Variants in ASIC5 observed in about 807,000 individuals in gnomAD.
The protein encoded by ASIC5 is acid sensing ion channel subunit family member 5.
Under a neutral mutation model 51.2 loss-of-function variants are expected in ASIC5, and 52 were observed. The ratio of observed to expected loss-of-function variants is 1.02; its 90% CI spans 0.81 to 1.28. ASIC5 has a LOEUF of 1.28. Ranked by LOEUF, ASIC5 falls within the 50% of genes most tolerant of loss-of-function variation. ASIC5 has a pLI of 0.00. For missense variants in ASIC5, 635 were observed against 595.0 expected, an observed-to-expected ratio of 1.07 and a Z score of -0.70; for synonymous variants, 231 against 200.7, an observed-to-expected ratio of 1.15 and a Z score of -1.28.
intron 1 of ASIC5, 122 bp downstream of exon 1, chr4:155,866,065 T>C: frequency 3.5e-6 from 2 of 576,916 alleles, no homozygotes; most frequent in Non-Finnish European, 6.0e-6. Flanking sequence ...ATTACTTATA[T>C]TGTGTTCAAG....
At chr4:155,865,473 G>C (rs1514008) in intron 1 of ASIC5, among the ~76,000 whole-genome samples, 134,732 of 151,836 alleles carry the variant, frequency 0.89, 61,469 homozygotes, top group East Asian at 1. Context: ...ACCATTCCTA[G>C]AATAGGGATC....
At chr4:155,836,633 T>C (rs1235597288) in intron 8 of ASIC5, 56 bp downstream of exon 8, 14 of 1,076,082 alleles carry the variant, frequency 1.3e-5, no homozygotes, top group African/African-American at 2.3e-5. Context: ...GGGTTTTCAA[T>C]AAAGAAAAAA....
At position 155,842,298 on chromosome 4, in the gene ASIC5, A is replaced by G. The variant is rs772888893; in HGVS notation, c.918T>C (p.Asn306=). ...AACCAGAAGTGCTGTAGCTGCTAAA[A>G]TTCTGCAGCTTGATGTTAGGATTGC... ...GECNPNIKLQ[N]FSSYSTSGCL... is the part of the protein sequence containing the mutation. Residue 306 remains asparagine (N), a synonymous_variant, in exon 6 of 10, where the codon AAT becomes AAC. Transcript: ENST00000537611. The G allele has an allele frequency of 6.2e-7, 1 of 1,613,464 alleles. No homozygotes were observed. Among genetic ancestry groups the G allele is most frequent in the Non-Finnish European group, 8.5e-7 (1 of 1,179,572 alleles).
chr4:155,852,226 C>T lies in ASIC5; in HGVS notation c.676G>A (p.Gly226Arg), dbSNP rs1335009820. Residue 226 changes from glycine to arginine, a missense_variant, in exon 4 of 10, where the codon GGA becomes AGA. Transcript: ENST00000537611. ...TTGAAGAGTAAGCTCAAACCTCTTC[C>T]AGAGACACTCACTTTTCTCTTTGCT... is the stretch of plus-strand genomic sequence containing the variant. Reference protein sequence around the residue: ...LQAKRKVSVSGRGLSLLFNVN... With the variant: ...LQAKRKVSVSRRGLSLLFNVN... 6.2e-7 allele frequency: 1 copy of T among 1,610,628 alleles called. No individual in the cohort carries two copies. The highest frequency in any genetic ancestry group is 1.1e-5 in the South Asian group (1 of 90,652).
Position 155,830,007 on chromosome 4 carries a change from C to G in ASIC5, c.1367G>C (p.Ser456Thr). Reference sequence around the variant, plus strand: ...AATAATTTCTATGATCGTGATCAGACTGGCCCCACAAAATAGACCCAGCTG... The same window carrying G: ...AATAATTTCTATGATCGTGATCAGAGTGGCCCCACAAAATAGACCCAGCTG... ...GGQLGLFCGA[S>T]LITIIEIIEY... The change falls in exon 10 of 10, where the codon AGT (serine) becomes ACT (threonine). Residue 456 changes from serine (S) to threonine (T), a missense_variant. Physicochemically the swap from Ser to Thr is moderately conservative, Grantham distance 58. Coordinates refer to ENST00000537611, the MANE Select transcript of ASIC5 (RefSeq NM_017419.3). The G allele has an allele frequency of 6.3e-7, 1 of 1,585,922 alleles. No individual in the cohort carries two copies.
chr4:155,831,324 A>G (rs1002627273), intron 9 of ASIC5, among the ~76,000 whole-genome samples: 2 of 152,188 alleles, frequency 1.3e-5, no homozygotes, highest in Admixed American at 1.3e-4. Flanking sequence ...TTCTTTATAA[A>G]AGTCCATGTG....
chr4:155,862,484 T>A (rs960647432), intron 2 of ASIC5, among the ~76,000 whole-genome samples: 1 of 152,108 alleles, frequency 6.6e-6, no homozygotes, highest in African/African-American at 2.4e-5. Flanking sequence ...TGGTGAGTCT[T>A]AAGAAGCCCT....
rs75456610 is a variant in ASIC5, at chr4:155,842,453, G to A, written c.862-99C>T. ...TACACATTTTTATTTTCCTCTCAGA[G>A]CTCTTTGATTTTCAAAACCAAAATT... On this transcript the variant is annotated intron_variant, in intron 5 of 9. Coordinates refer to ENST00000537611, the MANE Select transcript of ASIC5 (RefSeq NM_017419.3). 8,451 of 1,228,112 alleles carry A rather than the reference G, an allele frequency of 6.9e-3. 37 individuals carry two copies. The highest frequency in any genetic ancestry group is 9.4e-3 in the Admixed American group (341 of 36,124). The allele number at this position is 1,228,112 out of a possible 1,614,324, so 76.1% of individuals were successfully genotyped here.
intron 7 of ASIC5, among the ~76,000 whole-genome samples, chr4:155,837,459 T>C (rs1434718742): frequency 1.3e-5 from 2 of 152,174 alleles, no homozygotes; most frequent in Admixed American, 1.3e-4. Context: ...AAAGTCCCTG[T>C]AGCAGGTAGT....
Position 155,854,279 on chromosome 4 carries a change from A to T in ASIC5, c.383T>A (p.Ile128Asn), listed in dbSNP as rs761330329. The T allele has an allele frequency of 2.5e-6, 4 of 1,613,024 alleles. No individual in the cohort carries two copies. Among genetic ancestry groups the T allele is most frequent in the Middle Eastern group, 3.3e-4 (2 of 6,050 alleles). Reference sequence around the variant, plus strand: ...GGATACAATGTGCCATAAGAAAAAAATAACACCAAATTTGGCTACAGCATC... The same window carrying T: ...GGATACAATGTGCCATAAGAAAAAATTAACACCAAATTTGGCTACAGCATC... ...QTDAVAKFGV[I>N]FFLWHIVSKV... Residue 128 changes from isoleucine (I) to asparagine (N), a missense_variant, in exon 3 of 10, where the codon ATT becomes AAT. Ile to Asn is a moderately radical substitution (Grantham distance 149, BLOSUM62 -3). Coordinates refer to ENST00000537611, the MANE Select transcript of ASIC5 (RefSeq NM_017419.3).
At position 155,838,869 on chromosome 4, in the gene ASIC5, C is replaced by G; in HGVS notation, c.1010G>C (p.Gly337Ala). ...TTGTAGGTCACATTCTATCCCATATCCTTAAAAATAATAAGTGTAACATAT... is the reference window on the plus strand; with the variant it reads ...TTGTAGGTCACATTCTATCCCATATGCTTAAAAATAATAAGTGTAACATAT... Reference protein sequence around the residue: ...QCGCVPFLLPGYGIECDLQKY... With the variant: ...QCGCVPFLLPAYGIECDLQKY... The change falls in exon 7 of 10, where the codon GGA becomes GCA. Residue 337 changes from glycine to alanine, a missense_variant and splice_region_variant. Gly to Ala is a moderately conservative substitution (Grantham distance 60). Coordinates refer to ENST00000537611, the MANE Select transcript of ASIC5 (RefSeq NM_017419.3). The G allele has an allele frequency of 6.4e-7, 1 of 1,551,460 alleles. No individual in the cohort carries two copies. The highest frequency in any genetic ancestry group is 1.4e-5 in the African/African-American group (1 of 73,484).
At chr4:155,856,038 T>G (rs1255446574) in intron 2 of ASIC5, among the ~76,000 whole-genome samples, 1 of 152,088 alleles carries the variant, frequency 6.6e-6, no homozygotes, top group Non-Finnish European at 1.5e-5. Flanking sequence ...CCTTTGCTAG[T>G]CAAGCCTCTT....
In ASIC5 at chr4:155,852,328, A is replaced by G. The variant is rs1233475877; in HGVS notation, c.586-12T>C. 5.1e-6 allele frequency: 8 copies of G among 1,573,662 alleles called. No homozygotes were observed. Among genetic ancestry groups the G allele is most frequent in the Admixed American group, 2.1e-5 (1 of 46,582 alleles). ...ACATGTGCAAAATCCTCCAATATGT[A>G]AATGAACCAAAAAAAACCATCAATT... is the stretch of plus-strand genomic sequence containing the variant. On this transcript the variant is annotated splice_polypyrimidine_tract_variant and intron_variant, in intron 3 of 9. Transcript: ENST00000537611.
intron 8 of ASIC5, among the ~76,000 whole-genome samples, chr4:155,833,461 T>G (rs1233331262): frequency 6.6e-6 from 1 of 152,226 alleles, no homozygotes; most frequent in African/African-American, 2.4e-5. Flanking sequence ...AATATATCAT[T>G]AATATGTTTA....
chr4:155,853,545 A>C (rs1437417891), intron 3 of ASIC5, among the ~76,000 whole-genome samples: 1 of 146,718 alleles, frequency 6.8e-6, no homozygotes, highest in South Asian at 2.1e-4. Context: ...GTTATGAGTG[A>C]ATGTTTATTA....
chr4:155,848,053 T>A (rs890984596), intron 4 of ASIC5, among the ~76,000 whole-genome samples: 5 of 152,110 alleles, frequency 3.3e-5, no homozygotes, highest in African/African-American at 1.2e-4. Context: ...TTTTATAGAT[T>A]GTTTACAAAA....
At chr4:155,851,106 T>C (rs1034078637) in intron 4 of ASIC5, among the ~76,000 whole-genome samples, 4 of 152,200 alleles carry the variant, frequency 2.6e-5, no homozygotes, top group Non-Finnish European at 4.4e-5. Flanking sequence ...GTTATTTACC[T>C]ATGGAACATT....
At chr4:155,858,142 T>C (rs560651074) in intron 2 of ASIC5, among the ~76,000 whole-genome samples, 31 of 152,210 alleles carry the variant, frequency 2.0e-4, no homozygotes, top group South Asian at 1.4e-3. Context: ...AAAGATATTT[T>C]AGTGAAAATT....
chr4:155,864,025 G>A (rs1244114771), intron 1 of ASIC5, among the ~76,000 whole-genome samples: 1 of 152,076 alleles, frequency 6.6e-6, no homozygotes, highest in East Asian at 1.9e-4. Context: ...GTATTAATAG[G>A]TGACTTCCAG....
Sources: allele counts gnomAD v4.1 joint callset (sites outside exome capture counted in the v4.1 genomes callset), GRCh38; gene constraint gnomAD v4.1.1; transcripts MANE v1.5; gene names NCBI Gene and HGNC (gene_info 2026-07-23, HGNC 2026-07-21).